Variants in PPM1L observed in about 807,000 individuals in gnomAD.
PPM1L encodes protein phosphatase 1L.
PPM1L carries 13 observed loss-of-function variants against 31.4 expected under a neutral mutation model. That is an observed-to-expected ratio of 0.41 (90% CI 0.27 to 0.66). PPM1L has a LOEUF of 0.66. PPM1L is among the 30% of genes least tolerant of loss of function. The probability of loss-of-function intolerance (pLI) is 0.29; values close to 1 mark genes in which losing one functional copy is unlikely to be tolerated. For missense variants in PPM1L, 326 were observed against 453.7 expected (o/e 0.72, Z 2.56); for synonymous variants, 184 against 175.4 (o/e 1.05, Z -0.39).
At chr3:160,899,788 A>C (rs898562387) in intron 1 of PPM1L, among the ~76,000 whole-genome samples, 1 of 152,154 alleles carries the variant, frequency 6.6e-6, no homozygotes, top group African/African-American at 2.4e-5. Flanking sequence ...TGGCCTGTGA[A>C]ATGACTGATT....
At chr3:160,885,638 C>T (rs1162080099) in intron 1 of PPM1L, among the ~76,000 whole-genome samples, 1 of 152,236 alleles carries the variant, frequency 6.6e-6, no homozygotes, top group African/African-American at 2.4e-5. Flanking sequence ...GAGCCCCCAA[C>T]CCACAGCCAA....
At chr3:160,786,153 C>CTGTGTG (rs775015539) in intron 1 of PPM1L, among the ~76,000 whole-genome samples, 1,232 of 73,032 alleles carry the variant, frequency 0.017, 16 homozygotes, top group East Asian at 0.058. Context: ...CTCTCTCTCT[C>CTGTGTG]TCTCTGTGTG....
chr3:160,942,053 A>G (rs139109774), intron 1 of PPM1L, among the ~76,000 whole-genome samples: 1 of 152,208 alleles, frequency 6.6e-6, no homozygotes, highest in Non-Finnish European at 1.5e-5. Context: ...TTCGAGTGTC[A>G]TAGATGTTAA....
At chr3:160,763,053 G>A (rs2108055925) in intron 1 of PPM1L, among the ~76,000 whole-genome samples, 1 of 152,290 alleles carries the variant, frequency 6.6e-6, no homozygotes, top group Admixed American at 6.5e-5. Flanking sequence ...TCTTGATGGA[G>A]CAGAATGATT....
chr3:160,960,561 TGTGTG>T (rs1559904358), intron 1 of PPM1L, among the ~76,000 whole-genome samples: 512 of 8,996 alleles, frequency 0.057, 5 homozygotes, highest in African/African-American at 0.059. Context: ...AGCAGTTTTG[TGTGTG>T]TGTGTGTGTG....
At chr3:160,995,874 C>A (rs1717304890) in intron 2 of PPM1L, among the ~76,000 whole-genome samples, 1 of 152,144 alleles carries the variant, frequency 6.6e-6, no homozygotes, top group East Asian at 1.9e-4. Context: ...TAGGTGAGAT[C>A]CTGCATTGAG....
intron 2 of PPM1L, among the ~76,000 whole-genome samples, chr3:161,064,006 C>T (rs1401634182): frequency 1.3e-5 from 2 of 151,874 alleles, no homozygotes; most frequent in East Asian, 1.9e-4. Flanking sequence ...ACATCACACA[C>T]CAGGGTCTGT....
rs1216776538 is a variant in PPM1L, at chr3:161,011,286, TTTC to T, written c.574+49379_574+49381del. Among the ~76,000 whole-genome samples, 4 of 152,238 alleles carry T rather than the reference TTTC, an allele frequency of 2.6e-5. No homozygotes were observed. In the South Asian group the frequency reaches 8.3e-4, roughly 31 times the overall value. ...TATTAAATACGGAATCCTTTCCCCA[TTTC>T]TTGTTTTTGTCAGGTTTGTCAAAGA... On this transcript the variant is annotated intron_variant, in intron 2 of 3. Transcript: ENST00000498165.
At chr3:160,853,249 G>T (rs546484002) in intron 1 of PPM1L, among the ~76,000 whole-genome samples, 2 of 152,264 alleles carry the variant, frequency 1.3e-5, no homozygotes, top group East Asian at 3.9e-4. Flanking sequence ...CACAGGTTCT[G>T]GAGATTAGGA....
rs554639983 is a variant in PPM1L at position 160,846,440 on chromosome 3, C to T, written c.399+89733C>T. Among the ~76,000 whole-genome samples, 38 of 152,248 alleles carry T rather than the reference C, an allele frequency of 2.5e-4. 1 individual carries two copies. The highest frequency in any genetic ancestry group is 8.3e-4 in the South Asian group (4 of 4,830). ...TTCATATTTGTTTTAAATTACACAT[C>T]GTCTCTTAAGTTTTCCAGTCATGCT... On this transcript the variant is annotated intron_variant, in intron 1 of 3. Transcript: ENST00000498165.
intron 1 of PPM1L, among the ~76,000 whole-genome samples, chr3:160,785,747 A>G (rs2108069464): frequency 6.6e-6 from 1 of 151,564 alleles, no homozygotes; most frequent in South Asian, 2.1e-4. Flanking sequence ...TCATTATGTA[A>G]CCATCCCTTG....
At chr3:160,948,883 C>A (rs910009347) in intron 1 of PPM1L, among the ~76,000 whole-genome samples, 3 of 152,058 alleles carry the variant, frequency 2.0e-5, no homozygotes, top group Non-Finnish European at 4.4e-5. Flanking sequence ...TGTTACAAAG[C>A]TTTGTAAAAA....
At chr3:160,803,633 C>T (rs1404297214) in intron 1 of PPM1L, among the ~76,000 whole-genome samples, 3 of 152,148 alleles carry the variant, frequency 2.0e-5, no homozygotes, top group Non-Finnish European at 4.4e-5. Context: ...TATATGTAGA[C>T]ATGCCTTATG....
chr3:160,885,491 C>A (rs1712882619), intron 1 of PPM1L, among the ~76,000 whole-genome samples: 1 of 152,190 alleles, frequency 6.6e-6, no homozygotes, highest in Non-Finnish European at 1.5e-5. Flanking sequence ...CCATAATAAA[C>A]ATGTGAATCC....
chr3:161,046,110 CAAAAAAA>C (rs58794623), intron 2 of PPM1L, among the ~76,000 whole-genome samples: 6 of 50,302 alleles, frequency 1.2e-4, no homozygotes, highest in East Asian at 1.8e-3. Context: ...GACTCTGTCT[CAAAAAAA>C]AAAAAAAAAA....
rs890622135 is a variant in PPM1L, at chr3:161,031,512, T to TG, written c.575-33891_575-33890insG. 4.8e-5 allele frequency among the ~76,000 whole-genome samples: 7 copies of TG among 145,092 alleles called. 1 individual carries two copies. The highest frequency in any genetic ancestry group is 1.8e-4 in the African/African-American group (7 of 38,222). ...GCTATGTATTCTGTCCTTTTTTTTT[T>TG]TTTTTTGAGAGAGAGTCTCACTCTG... On this transcript the variant is annotated intron_variant, in intron 2 of 3. Transcript: ENST00000498165.
At chr3:161,025,540 T>G (rs2108075505) in intron 2 of PPM1L, among the ~76,000 whole-genome samples, 1 of 151,416 alleles carries the variant, frequency 6.6e-6, no homozygotes, top group South Asian at 2.1e-4. Context: ...TCACTGCACC[T>G]TAGCCTGGAT....
intron 1 of PPM1L, among the ~76,000 whole-genome samples, chr3:160,900,630 C>T (rs928286036): frequency 2.0e-5 from 3 of 151,782 alleles, no homozygotes; most frequent in Admixed American, 6.6e-5. Flanking sequence ...TTTACCTATA[C>T]GTTTTGTCTC....
chr3:160,967,817 G>A (rs1384500296), intron 2 of PPM1L, among the ~76,000 whole-genome samples: 1 of 151,934 alleles, frequency 6.6e-6, no homozygotes, highest in Non-Finnish European at 1.5e-5. Context: ...CCATATACGT[G>A]ACCTTGAGCA....
Sources: gnomAD v4.1 joint callset for allele counts (sites outside exome capture counted in the v4.1 genomes callset) on GRCh38, gnomAD v4.1.1 for gene constraint, MANE v1.5 for transcripts, NCBI Gene and HGNC (gene_info 2026-07-23, HGNC 2026-07-21) for gene names.